The following PHACTR2 variants were observed in gnomAD, a reference collection of about 807,000 sequenced individuals.
PHACTR2 encodes the protein chromosome 6 open reading frame 56.
In PHACTR2, 30 loss-of-function variants were observed where a neutral mutation model predicts 76.0. That is an observed-to-expected ratio of 0.39 (90% CI 0.30 to 0.54). PHACTR2 has a LOEUF of 0.54. Ranked by LOEUF, PHACTR2 falls within the 20% of genes least tolerant of loss-of-function variation. The probability of loss-of-function intolerance (pLI) is 0.61; values close to 1 mark genes in which losing one functional copy is unlikely to be tolerated. For synonymous variants in PHACTR2, 292 were observed against 292.5 expected (o/e 1.00, Z 0.02); for missense variants, 696 against 781.1 (o/e 0.89, Z 1.30).
rs11321214 is a variant in PHACTR2 at position 143,764,520 on chromosome 6, CA to C, written c.695-724del. Among the ~76,000 whole-genome samples, 19,600 of 110,574 alleles carry C rather than the reference CA, an allele frequency of 0.18. 1,464 individuals are homozygous for C. Among genetic ancestry groups the C allele is most frequent in the East Asian group, 0.39 (1,686 of 4,308 alleles). The allele number at this position is 110,574 out of a possible 152,430, so 72.5% of individuals were successfully genotyped here. A position where few individuals can be genotyped will look rare whatever the true frequency, so the allele number is the denominator to read the frequency against. Reference sequence around the variant, plus strand: ...TGGGCGACAGAACAAGACCTTGTCTCAAAAAAAAAAAAAAAAAGGAGCAACC... The same window carrying C: ...TGGGCGACAGAACAAGACCTTGTCTCAAAAAAAAAAAAAAAAGGAGCAACC... On this transcript the variant is annotated intron_variant, in intron 5 of 12. Coordinates refer to ENST00000440869, the MANE Select transcript of PHACTR2 (RefSeq NM_001100164.2). This position sits in a 1 kb window ranked among gnomAD's most constrained non-coding sequence, Gnocchi z 4.7.
chr6:143,747,195 T>C (rs1562291834), intron 2 of PHACTR2, among the ~76,000 whole-genome samples: 1 of 152,256 alleles, frequency 6.6e-6, no homozygotes, highest in Non-Finnish European at 1.5e-5. Flanking sequence ...AATTGTCATA[T>C]GAAATCTGTG....
chr6:143,542,963 A>G (rs1269230572), intron 1 of PHACTR2, among the ~76,000 whole-genome samples: 1 of 152,186 alleles, frequency 6.6e-6, no homozygotes, highest in Non-Finnish European at 1.5e-5. Context: ...ATTAGTCTTT[A>G]TTGATTACTG....
intron 2 of PHACTR2, among the ~76,000 whole-genome samples, chr6:143,748,705 C>T (rs1454573895): frequency 2.6e-5 from 4 of 152,200 alleles, no homozygotes; most frequent in Admixed American, 6.5e-5. Context: ...GCTTTATGCT[C>T]TCTAGTTGCT....
At position 143,658,549 on chromosome 6, in the gene PHACTR2, A is replaced by G. The variant is rs1420961494; in HGVS notation, c.13+50227A>G. Among the ~76,000 whole-genome samples, 2 of 152,230 alleles carry G rather than the reference A, an allele frequency of 1.3e-5. No homozygotes were observed. The highest frequency in any genetic ancestry group is 2.9e-5 in the Non-Finnish European group (2 of 68,036). ...TTAACAAACCTGGATGGAATAGCCT[A>G]CTATACAACCTAGGCTGTATGGTAT... On this transcript the variant is annotated intron_variant, in intron 1 of 11. Transcript: ENST00000305766. The surrounding 1 kb of genome is among the most constrained non-coding windows in gnomAD (Gnocchi z 4.1).
chr6:143,788,569 A>AT (rs970091439), intron 10 of PHACTR2, among the ~76,000 whole-genome samples: 3 of 151,490 alleles, frequency 2.0e-5, no homozygotes, highest in South Asian at 2.1e-4. Flanking sequence ...TAAAACGATG[A>AT]TTTTTTTATA....
chr6:143,773,997 A>T, intron 7 of PHACTR2, 62 bp from the exon 8 acceptor site: 1 of 1,464,356 alleles, frequency 6.8e-7, no homozygotes, highest in Admixed American at 1.8e-5. Context: ...TGCCATGTGT[A>T]ACCTGAGTGC....
Position 143,764,908 on chromosome 6 carries a change from C to G in PHACTR2, c.695-353C>G, listed in dbSNP as rs1279461338. ...GCTAGCTGCTGATGTCTGTCCTTTA[C>G]GCACCATAACATTCCTTCTTGAGAG... On this transcript the variant is annotated intron_variant, in intron 5 of 12. Transcript: ENST00000440869. The surrounding 1 kb of genome is among the most constrained non-coding windows in gnomAD (Gnocchi z 4.7). 6.6e-6 allele frequency among the ~76,000 whole-genome samples: 1 copy of G among 152,152 alleles called. No homozygotes were observed. The highest frequency in any genetic ancestry group is 2.4e-5 in the African/African-American group (1 of 41,432).
chr6:143,821,193 A>G lies in PHACTR2; in HGVS notation c.1923-2481A>G, dbSNP rs1056807930. The stretch of plus-strand genomic sequence containing the variant: ...TCTGCCCAAGGTTACAGTCAGGGAT[A>G]GACTAAGAACAGAACTCAAAGTGGA... On this transcript the variant is annotated intron_variant, in intron 12 of 12. Coordinates refer to ENST00000440869, the MANE Select transcript of PHACTR2 (RefSeq NM_001100164.2). This position sits in a 1 kb window ranked among gnomAD's most constrained non-coding sequence, Gnocchi z 5.2. Among the ~76,000 whole-genome samples the G allele has an allele frequency of 6.6e-6, 1 of 152,274 alleles. No homozygotes were observed. Among genetic ancestry groups the G allele is most frequent in the Non-Finnish European group, 1.5e-5 (1 of 68,044 alleles).
At chr6:143,605,088 G>T (rs1403496504), upstream of PHACTR2, among the ~76,000 whole-genome samples, 1 of 151,016 alleles carries the variant, frequency 6.6e-6, no homozygotes, top group Non-Finnish European at 1.5e-5. This position sits in a 1 kb window ranked among gnomAD's most constrained non-coding sequence, Gnocchi z 5.0. Flanking sequence ...AGACAGGCCC[G>T]GCATCCCAAA....
In PHACTR2 at chr6:143,581,990, T is replaced by C. The variant is rs1400398392; in HGVS notation, c.217+44783T>C. Among the ~76,000 whole-genome samples, 3 of 152,186 alleles carry C rather than the reference T, an allele frequency of 2.0e-5. No homozygotes were observed. The highest frequency in any genetic ancestry group is 7.2e-5 in the African/African-American group (3 of 41,440). On this transcript the variant is annotated intron_variant, in intron 1 of 11. Transcript: ENST00000367584. The surrounding 1 kb of genome is among the most constrained non-coding windows in gnomAD (Gnocchi z 4.5). The stretch of plus-strand genomic sequence containing the variant: ...GGTCTTAATGCCTAAGTGAGTCACA[T>C]AAACCCTGGACAAAAGGCTGTACCG...
intron 2 of PHACTR2, among the ~76,000 whole-genome samples, chr6:143,740,234 AAC>A (rs1778909163): frequency 1.3e-5 from 2 of 152,276 alleles, no homozygotes; most frequent in South Asian, 2.1e-4. Context: ...AGTGAGGATG[AAC>A]AGAGATCACT....
At position 143,787,319 on chromosome 6, in the gene PHACTR2, C is replaced by G. The variant is rs979991820; in HGVS notation, c.1708-1454C>G. ...CTTAGGAGCAAGGGCTTCTCTACCT[C>G]CTTATTTCCACCTGCCCCAAAGTGG... On this transcript the variant is annotated intron_variant, in intron 10 of 12. Coordinates refer to ENST00000440869, the MANE Select transcript of PHACTR2 (RefSeq NM_001100164.2). This position sits in a 1 kb window ranked among gnomAD's most constrained non-coding sequence, Gnocchi z 4.6. Among the ~76,000 whole-genome samples the G allele has an allele frequency of 6.6e-6, 1 of 152,210 alleles. No homozygotes were observed. Among genetic ancestry groups the G allele is most frequent in the African/African-American group, 2.4e-5 (1 of 41,450 alleles).
intron 1 of PHACTR2, among the ~76,000 whole-genome samples, chr6:143,569,411 A>G (rs151006415): frequency 6.6e-6 from 1 of 152,206 alleles, no homozygotes; most frequent in African/African-American, 2.4e-5. Flanking sequence ...TGAGAAATCC[A>G]TTTTTGTGAT....
At chr6:143,692,826 A>G (rs572421691) in intron 1 of PHACTR2, among the ~76,000 whole-genome samples, 3 of 152,362 alleles carry the variant, frequency 2.0e-5, no homozygotes, top group South Asian at 2.1e-4. Flanking sequence ...ATGTCTGTAC[A>G]GTATTCGTCT....
chr6:143,710,983 A>T lies in PHACTR2; in HGVS notation c.47-1033A>T, dbSNP rs1041681778. ...ACATCAGTACACTTCACCTCTAAAC[A>T]CTTCAGCATACATGTCATTAATTAG... On this transcript the variant is annotated intron_variant, in intron 1 of 12. Coordinates refer to ENST00000440869, the MANE Select transcript of PHACTR2 (RefSeq NM_001100164.2). The surrounding 1 kb of genome is among the most constrained non-coding windows in gnomAD (Gnocchi z 4.9). 2.0e-6 allele frequency: 1 copy of T among 509,114 alleles called. No homozygotes were observed. The highest frequency in any genetic ancestry group is 3.9e-6 in the Non-Finnish European group (1 of 255,462). 31.5% of individuals were successfully genotyped at this position (509,114 alleles called of 1,614,324 possible).
At position 143,738,472 on chromosome 6, in the gene PHACTR2, G is replaced by T. The variant is rs1263450284; in HGVS notation, c.215-10513G>T. Among the ~76,000 whole-genome samples the T allele has an allele frequency of 6.6e-6, 1 of 151,838 alleles. No homozygotes were observed. Among genetic ancestry groups the T allele is most frequent in the African/African-American group, 2.4e-5 (1 of 41,322 alleles). ...GCAATAGAATTAGATCTTTAAATGA[G>T]TTGGGACCAGCACAGTGACTCATGC... On this transcript the variant is annotated intron_variant, in intron 2 of 12. Coordinates refer to ENST00000440869, the MANE Select transcript of PHACTR2 (RefSeq NM_001100164.2). The surrounding 1 kb of genome is among the most constrained non-coding windows in gnomAD (Gnocchi z 4.0).
chr6:143,691,371 A>G (rs1053943840), intron 1 of PHACTR2, among the ~76,000 whole-genome samples: 4 of 152,060 alleles, frequency 2.6e-5, no homozygotes, highest in African/African-American at 9.7e-5. Context: ...CAGTTCAGAG[A>G]CTCAGATGTT....
In PHACTR2 at chr6:143,700,200, T is replaced by C. The variant is rs1777874547; in HGVS notation, c.47-11816T>C. Among the ~76,000 whole-genome samples the C allele has an allele frequency of 6.6e-6, 1 of 152,198 alleles. No homozygotes were observed. The highest frequency in any genetic ancestry group is 1.5e-5 in the Non-Finnish European group (1 of 68,024). On this transcript the variant is annotated intron_variant, in intron 1 of 12. Transcript: ENST00000440869. This position sits in a 1 kb window ranked among gnomAD's most constrained non-coding sequence, Gnocchi z 4.1. ...TTTAATAATATTTGTGTTACATTCA[T>C]CCTCAATGGGAATTTTTTCATAATT... is the stretch of plus-strand genomic sequence containing the variant.
rs1562261870 is a variant in PHACTR2 at position 143,659,853 on chromosome 6, G to T, written c.13+51531G>T. ...GATTTGTCAGGTAATGAATGTTCCT[G>T]ATTAGCTTTAGCACTGGTGTATTTC... On this transcript the variant is annotated intron_variant, in intron 1 of 11. Coordinates refer to the PHACTR2 transcript ENST00000305766. The surrounding 1 kb of genome is among the most constrained non-coding windows in gnomAD (Gnocchi z 5.0). Among the ~76,000 whole-genome samples the T allele has an allele frequency of 1.3e-5, 2 of 152,178 alleles. No homozygotes were observed. Among genetic ancestry groups the T allele is most frequent in the Non-Finnish European group, 2.9e-5 (2 of 68,024 alleles).
Sources: gnomAD v4.1 joint callset for allele counts (sites outside exome capture counted in the v4.1 genomes callset) on GRCh38, gnomAD v4.1.1 for gene constraint, Gnocchi (gnomAD v3.1) non-coding constraint, MANE v1.5 for transcripts, NCBI Gene and HGNC (gene_info 2026-07-23, HGNC 2026-07-21) for gene names.